ZZZ3: variants seen among roughly 807,000 people sequenced by gnomAD.
ZZZ3 encodes zinc finger ZZ-type containing 3.
A neutral mutation model predicts 95.2 loss-of-function variants in ZZZ3; 22 were observed. The ratio of observed to expected loss-of-function variants is 0.23; its 90% CI spans 0.17 to 0.33. The LOEUF is 0.33. Among genes scored for constraint, ZZZ3 ranks in the 10% least tolerant of loss-of-function variants. The pLI is 1.00. For synonymous variants in ZZZ3, 335 were observed against 358.9 expected (o/e 0.93, Z 0.75); for missense variants, 885 against 1,066.5 (o/e 0.83, Z 2.37).
chr1:77,662,942 A>G (rs1264509812), intron 1 of ZZZ3, among the ~76,000 whole-genome samples: 1 of 151,960 alleles, frequency 6.6e-6, no homozygotes, highest in Admixed American at 6.6e-5. Flanking sequence ...CCGTCTCTAC[A>G]AAAAAACAAA....
chr1:77,571,669 G>A (rs530236793), intron 12 of ZZZ3, among the ~76,000 whole-genome samples: 5 of 152,142 alleles, frequency 3.3e-5, no homozygotes, highest in Non-Finnish European at 5.9e-5. Flanking sequence ...TGGGTGAAAC[G>A]AGCCAGTCAC....
chr1:77,589,023 T>C (rs1008575627), intron 5 of ZZZ3, among the ~76,000 whole-genome samples: 4 of 152,132 alleles, frequency 2.6e-5, no homozygotes, highest in Non-Finnish European at 5.9e-5. Flanking sequence ...GGGACAGGTG[T>C]GTACCACCAT....
intron 5 of ZZZ3, among the ~76,000 whole-genome samples, chr1:77,603,135 A>T (rs1381214200): frequency 6.6e-6 from 1 of 151,670 alleles, no homozygotes; most frequent in African/African-American, 2.4e-5. Context: ...GGAGTGCAGT[A>T]GGATACGATC....
intron 9 of ZZZ3, chr1:77,580,679 G>T (rs1041236300): frequency 5.0e-6 from 1 of 201,690 alleles, no homozygotes; most frequent in Non-Finnish European, 1.0e-5. Flanking sequence ...GCCCAGCCTG[G>T]AGTGCAGTGG....
At chr1:77,576,308 A>G (rs1661932922) in intron 11 of ZZZ3, 88 bp from the exon 12 acceptor site, 1 of 1,070,596 alleles carries the variant, frequency 9.3e-7, no homozygotes, top group African/African-American at 1.6e-5. Context: ...ACTTCCAACA[A>G]GTCTATCAGA....
intron 1 of ZZZ3, among the ~76,000 whole-genome samples, chr1:77,653,621 C>T (rs972586502): frequency 3.7e-4 from 57 of 152,168 alleles, no homozygotes; most frequent in African/African-American, 1.3e-3. Flanking sequence ...GGCGCAGTGG[C>T]ACATGCCTGT....
intron 8 of ZZZ3, 103 bp downstream of exon 8, chr1:77,581,673 C>T: frequency 1.1e-6 from 1 of 875,742 alleles, no homozygotes; most frequent in East Asian, 2.7e-5. Context: ...CCTTTATCTT[C>T]CAGTGAAAGA....
chr1:77,663,594 A>T (rs1012056442), intron 1 of ZZZ3, among the ~76,000 whole-genome samples: 55 of 152,342 alleles, frequency 3.6e-4, no homozygotes, highest in African/African-American at 1.3e-3. Flanking sequence ...AATGTGTCCT[A>T]ACCAACATGG....
At chr1:77,606,485 G>A (rs1665245919) in intron 5 of ZZZ3, among the ~76,000 whole-genome samples, 1 of 152,168 alleles carries the variant, frequency 6.6e-6, no homozygotes. Flanking sequence ...AGAGCCTTGA[G>A]CAAACATAGG....
At chr1:77,679,363 T>C (rs969745634) in intron 1 of ZZZ3, among the ~76,000 whole-genome samples, 3 of 152,208 alleles carry the variant, frequency 2.0e-5, no homozygotes, top group Non-Finnish European at 4.4e-5. Flanking sequence ...TGGAGTGCAA[T>C]GGTGCAATCA....
At chr1:77,648,956 A>G (rs1054361111) in intron 1 of ZZZ3, among the ~76,000 whole-genome samples, 3 of 152,048 alleles carry the variant, frequency 2.0e-5, no homozygotes, top group Non-Finnish European at 2.9e-5. Context: ...GTGAAATCCC[A>G]TATCTACTAA....
intron 8 of ZZZ3, 91 bp from the exon 9 acceptor site, chr1:77,581,160 A>T: frequency 1.0e-6 from 1 of 1,004,232 alleles, no homozygotes; most frequent in Non-Finnish European, 1.5e-6. Context: ...GGAATTTTTA[A>T]ATTAATTTCA....
intron 5 of ZZZ3, among the ~76,000 whole-genome samples, chr1:77,590,313 G>A (rs574621359): frequency 6.6e-6 from 1 of 152,312 alleles, no homozygotes; most frequent in African/African-American, 2.4e-5. Context: ...GGTAGAGGTT[G>A]TTGTGAGCTG....
intron 5 of ZZZ3, among the ~76,000 whole-genome samples, chr1:77,587,414 G>A (rs1164241339): frequency 1.3e-5 from 2 of 151,766 alleles, no homozygotes; most frequent in Non-Finnish European, 1.5e-5. Flanking sequence ...ACAGGCACCC[G>A]CCACCACATC....
rs752694801 is a variant in ZZZ3, at chr1:77,633,066, C to T, written c.289G>A (p.Glu97Lys). 7 of 1,613,910 alleles carry T rather than the reference C, an allele frequency of 4.3e-6. No individual in the cohort carries two copies. The South Asian group carries it at 7.7e-5, about 18-fold the overall frequency. Residue 97 changes from glutamate (E) to lysine (K), a missense_variant, in exon 5 of 15, where the codon GAA (glutamate) becomes AAA (lysine). Physicochemically the swap from Glu to Lys is moderately conservative, Grantham distance 56. Transcript: ENST00000370801. ...GLSSSEKDNI[E>K]RQAIENCERR... is the part of the protein sequence containing the mutation. ...TCACAATTTTCTATAGCCTGCCTTT[C>T]TATGTTATCCTTTTCTGAAGAAGAA...
chr1:77,576,070 A>T lies in ZZZ3; in HGVS notation c.2329T>A (p.Ser777Thr). The stretch of plus-strand genomic sequence containing the variant: ...ACAACTTGATGTGTATAACTTACTG[A>T]TGCATCTTCAACAGCAGTGTTCATG... ...SHMNTAVEDA[S>T]DDESIPIMYR... is the part of the protein sequence containing the mutation. Residue 777 changes from serine to threonine, a missense_variant and splice_region_variant, in exon 12 of 15, where the codon TCA becomes ACA. Ser to Thr is a moderately conservative substitution (Grantham distance 58, BLOSUM62 1). Coordinates refer to ENST00000370801, the MANE Select transcript of ZZZ3 (RefSeq NM_015534.6). 1 of 1,603,914 alleles carries T rather than the reference A, an allele frequency of 6.2e-7. No individual in the cohort carries two copies. Among genetic ancestry groups the T allele is most frequent in the Non-Finnish European group, 8.5e-7 (1 of 1,176,992 alleles).
At chr1:77,650,464 G>A (rs910645634) in intron 1 of ZZZ3, among the ~76,000 whole-genome samples, 8 of 152,078 alleles carry the variant, frequency 5.3e-5, no homozygotes, top group South Asian at 2.1e-4. Flanking sequence ...AATACAACTC[G>A]AAAATCCTCA....
intron 8 of ZZZ3, among the ~76,000 whole-genome samples, chr1:77,581,402 A>G (rs547374389): frequency 1.3e-3 from 198 of 152,326 alleles, no homozygotes; most frequent in African/African-American, 4.2e-3. Context: ...GCCAGGACTC[A>G]AATCCTGGTC....
intron 1 of ZZZ3, among the ~76,000 whole-genome samples, chr1:77,648,173 C>T (rs941566303): frequency 6.6e-5 from 10 of 151,776 alleles, no homozygotes; most frequent in African/African-American, 1.5e-4. Context: ...GCCTGAGCAA[C>T]ATGGCAAGAC....
Sources: allele counts gnomAD v4.1 joint callset (sites outside exome capture counted in the v4.1 genomes callset), GRCh38; gene constraint gnomAD v4.1.1; transcripts MANE v1.5; gene names NCBI Gene and HGNC (gene_info 2026-07-23, HGNC 2026-07-21).